OVCH1: variants seen among roughly 807,000 people sequenced by gnomAD.
The protein encoded by OVCH1 is ovochymase-1.
Under a neutral mutation model 138.4 loss-of-function variants are expected in OVCH1, and 139 were observed. The observed-to-expected ratio is 1.00, with a 90% CI of 0.87 to 1.16. The LOEUF is 1.16. Ranked by LOEUF, OVCH1 falls within the 50% of genes most tolerant of loss-of-function variation. OVCH1 has a pLI of 0.00. For synonymous variants in OVCH1, 453 were observed against 467.8 expected, an observed-to-expected ratio of 0.97 and a Z score of 0.41; for missense variants, 1,367 against 1,357.9, an observed-to-expected ratio of 1.01 and a Z score of -0.11.
chr12:29,488,486 G>T (rs1943177329), intron 6 of OVCH1, among the ~76,000 whole-genome samples: 1 of 151,870 alleles, frequency 6.6e-6, no homozygotes, highest in Non-Finnish European at 1.5e-5. Flanking sequence ...GGGCATGGTG[G>T]TGGGTGCCTA....
intron 22 of OVCH1, among the ~76,000 whole-genome samples, chr12:29,448,117 C>T (rs1474002860): frequency 6.7e-6 from 1 of 148,906 alleles, no homozygotes; most frequent in East Asian, 2.0e-4. Context: ...GAAAACTGTT[C>T]CATCTCAGAT....
At chr12:29,459,060 CTA>C (rs1222834621) in intron 19 of OVCH1, among the ~76,000 whole-genome samples, 1 of 151,866 alleles carries the variant, frequency 6.6e-6, no homozygotes, top group East Asian at 1.9e-4. Context: ...AGTACAACCA[CTA>C]TACAGAATAG....
In OVCH1 at chr12:29,464,697, T is replaced by G. The variant is rs1406215966; in HGVS notation, c.1935A>C (p.Arg645Ser). 3 of 1,610,814 alleles carry G rather than the reference T, an allele frequency of 1.9e-6. No homozygotes were observed. The South Asian group carries it at 3.3e-5, about 18-fold the overall frequency. ...CATGCACTATTATGTGTTTGGCCCT[T>G]CTCACCTGTATCGGTGGCAAGTAAG... The change falls in exon 18 of 28, where the codon AGA (arginine) becomes AGC (serine). Residue 645 changes from arginine to serine, a missense_variant. Arg to Ser is a moderately radical substitution (Grantham distance 110). Transcript: ENST00000318184.
chr12:29,403,045 A>G, the OVCH1 span, among the ~76,000 whole-genome samples: 15 of 152,216 alleles, frequency 9.9e-5, no homozygotes, highest in Non-Finnish European at 1.9e-4. Flanking sequence ...TTTGGGAAAC[A>G]TACCATTTTG....
At chr12:29,419,278 A>G (rs926171788) in intron 3 of OVCH1, among the ~76,000 whole-genome samples, 2 of 150,856 alleles carry the variant, frequency 1.3e-5, no homozygotes, top group Admixed American at 1.4e-4. Context: ...CCTCCATAAT[A>G]CTAAACAAAG....
At chr12:29,436,336 T>C (rs1204088012) in intron 26 of OVCH1, among the ~76,000 whole-genome samples, 1 of 151,628 alleles carries the variant, frequency 6.6e-6, no homozygotes, top group African/African-American at 2.4e-5. Flanking sequence ...CTAGAAAACA[T>C]ACTCCAAGTT....
intron 19 of OVCH1, among the ~76,000 whole-genome samples, chr12:29,459,915 C>G (rs569036258): frequency 9.8e-5 from 15 of 152,294 alleles, no homozygotes; most frequent in African/African-American, 2.6e-4. Context: ...TGAGAAAGCA[C>G]ATTATCAGGT....
At chr12:29,442,791 AAT>A (rs1270791263) in intron 25 of OVCH1, among the ~76,000 whole-genome samples, 1 of 152,022 alleles carries the variant, frequency 6.6e-6, no homozygotes, top group Non-Finnish European at 1.5e-5. Flanking sequence ...TATGAGATAA[AAT>A]ATGTTAAAAT....
rs1164326055 is a variant in OVCH1, at chr12:29,458,468, A to C, written c.2281-3063T>G. On this transcript the variant is annotated intron_variant, in intron 19 of 27. Coordinates refer to ENST00000318184, the Ensembl canonical transcript of OVCH1. ...TACAGAAGAATGAAAGTAGTTCCCT[A>C]TTCCTCACCATTTGCAAAAGTCAAA... is the stretch of plus-strand genomic sequence containing the variant. 2.0e-5 allele frequency among the ~76,000 whole-genome samples: 3 copies of C among 152,294 alleles called. No homozygotes were observed. The East Asian group carries it at 5.8e-4, about 29-fold the overall frequency.
the OVCH1 span, among the ~76,000 whole-genome samples, chr12:29,405,021 C>CAAAA: frequency 7.1e-4 from 57 of 80,384 alleles, 1 homozygote; most frequent in African/African-American, 2.0e-3. Flanking sequence ...CACTCCACCT[C>CAAAA]AAAAAAAAAA....
downstream of OVCH1, among the ~76,000 whole-genome samples, chr12:29,412,194 C>T (rs896647002): frequency 6.6e-6 from 1 of 152,126 alleles, no homozygotes; most frequent in Non-Finnish European, 1.5e-5. Flanking sequence ...ACCCGATTTT[C>T]CAGGTGCCTT....
intron 22 of OVCH1, among the ~76,000 whole-genome samples, chr12:29,446,654 G>A (rs1941623801): frequency 6.6e-6 from 1 of 152,032 alleles, no homozygotes; most frequent in South Asian, 2.1e-4. Context: ...AGGTAATAAT[G>A]ATAAAGGCAA....
chr12:29,414,745 A>G (rs7298472), intron 3 of OVCH1, among the ~76,000 whole-genome samples: 2 of 151,388 alleles, frequency 1.3e-5, no homozygotes, highest in South Asian at 4.2e-4. Flanking sequence ...GGAAAAAAAA[A>G]ATATATATAC....
Position 29,495,345 on chromosome 12 carries a change from T to A in OVCH1, c.394A>T (p.Ser132Cys), listed in dbSNP as rs1943384708. The change falls in exon 4 of 28, where the codon AGC (serine) becomes TGC (cysteine). Residue 132 changes from serine (S) to cysteine (C), a missense_variant. Ser to Cys is a moderately radical substitution (Grantham distance 112). Coordinates refer to ENST00000318184, the Ensembl canonical transcript of OVCH1. ...ATATCAGGACTCATATATTCACGGCTGTTGTATTCAGGATGGGTAATAATT... is the reference window on the plus strand; with the variant it reads ...ATATCAGGACTCATATATTCACGGCAGTTGTATTCAGGATGGGTAATAATT... The A allele has an allele frequency of 1.9e-6, 3 of 1,613,312 alleles. No individual in the cohort carries two copies. The East Asian group carries it at 6.7e-5, about 36-fold the overall frequency.
At chr12:29,458,148 T>C (rs1204144982) in intron 19 of OVCH1, among the ~76,000 whole-genome samples, 1 of 152,114 alleles carries the variant, frequency 6.6e-6, no homozygotes, top group Non-Finnish European at 1.5e-5. Flanking sequence ...AATCATAAAA[T>C]GTATATGGAA....
chr12:29,493,659 T>A (rs1263418990), intron 4 of OVCH1, among the ~76,000 whole-genome samples: 1 of 152,160 alleles, frequency 6.6e-6, no homozygotes, highest in Non-Finnish European at 1.5e-5. Context: ...CCAATTACAT[T>A]TTTATATTTT....
At position 29,449,801 on chromosome 12, in the gene OVCH1, G is replaced by T. The variant is rs575710173; in HGVS notation, c.2755+1544C>A. ...ACAGTAACCAAAACAGCATGGTACT[G>T]GTACCAAAACAGATATATAGACCAA... is the stretch of plus-strand genomic sequence containing the variant. On this transcript the variant is annotated intron_variant, in intron 22 of 27. Coordinates refer to ENST00000318184, the Ensembl canonical transcript of OVCH1. Among the ~76,000 whole-genome samples the T allele has an allele frequency of 7.9e-5, 12 of 152,224 alleles. No individual in the cohort carries two copies. The South Asian group carries it at 2.1e-3, about 26-fold the overall frequency.
At chr12:29,480,338 G>A (rs1212463888) in intron 8 of OVCH1, among the ~76,000 whole-genome samples, 1 of 152,142 alleles carries the variant, frequency 6.6e-6, no homozygotes, top group East Asian at 1.9e-4. Context: ...GATAACAAAA[G>A]ATTCATCACA....
exon 21 of OVCH1, chr12:29,454,928 C>T: frequency 1.9e-6 from 3 of 1,608,176 alleles, no homozygotes; most frequent in Non-Finnish European, 2.6e-6. Context: ...TGAAGTGAAG[C>T]AGGACCTGTA....
Sources: gnomAD v4.1 joint callset for allele counts (sites outside exome capture counted in the v4.1 genomes callset) on GRCh38, gnomAD v4.1.1 for gene constraint, MANE v1.5 for transcripts, NCBI Gene and HGNC (gene_info 2026-07-23, HGNC 2026-07-21) for gene names.